PTPRD: variants seen among roughly 807,000 people sequenced by gnomAD.
PTPRD encodes receptor-type tyrosine-protein phosphatase delta.
In PTPRD, 34 loss-of-function variants were observed where a neutral mutation model predicts 214.5. The observed-to-expected ratio is 0.16, with a 90% confidence interval of 0.12 to 0.21. The LOEUF (loss-of-function observed/expected upper bound fraction) is 0.21, where lower values mean the gene tolerates loss of function less well. Ranked by LOEUF, PTPRD falls within the 10% of genes least tolerant of loss-of-function variation. The pLI is 1.00. For missense variants in PTPRD, 2,545 were observed against 2,398.7 expected (o/e 1.06, Z -1.27); for synonymous variants, 1,128 against 845.7 (o/e 1.33, Z -5.79).
At chr9:9,539,653 A>G (rs1476540104) in intron 8 of PTPRD, among the ~76,000 whole-genome samples, 1 of 151,866 alleles carries the variant, frequency 6.6e-6, no homozygotes, top group Non-Finnish European at 1.5e-5. Flanking sequence ...GATAAAATAT[A>G]CAAGTAAAAT....
At chr9:8,796,922 A>C (rs935668211) in intron 11 of PTPRD, among the ~76,000 whole-genome samples, 1 of 152,094 alleles carries the variant, frequency 6.6e-6, no homozygotes, top group Non-Finnish European at 1.5e-5. Context: ...AGTATTTTCC[A>C]TGTTAAAATT....
At chr9:8,526,142 G>C (rs1313737012) in intron 17 of PTPRD, among the ~76,000 whole-genome samples, 3 of 151,834 alleles carry the variant, frequency 2.0e-5, no homozygotes, top group African/African-American at 7.3e-5. Context: ...AGATGCTCCA[G>C]GGTGTCTTCT....
intron 34 of PTPRD, among the ~76,000 whole-genome samples, chr9:8,438,421 G>T (rs2095430969): frequency 6.6e-6 from 1 of 152,142 alleles, no homozygotes; most frequent in Non-Finnish European, 1.5e-5. Context: ...CTCTTTGTTG[G>T]TGATATAATA....
At chr9:9,429,894 A>G (rs532506129) in intron 8 of PTPRD, among the ~76,000 whole-genome samples, 164 of 152,304 alleles carry the variant, frequency 1.1e-3, no homozygotes, top group African/African-American at 3.8e-3. Flanking sequence ...TATTGATGGA[A>G]TGTATCTCAA....
chr9:10,167,383 G>T (rs1393904170), intron 3 of PTPRD, among the ~76,000 whole-genome samples: 1 of 151,998 alleles, frequency 6.6e-6, no homozygotes, highest in African/African-American at 2.4e-5. Flanking sequence ...ATGGTAAAGT[G>T]CACATTCCCT....
At chr9:10,322,900 G>A (rs1176193714) in intron 3 of PTPRD, among the ~76,000 whole-genome samples, 6 of 151,956 alleles carry the variant, frequency 3.9e-5, no homozygotes, top group African/African-American at 1.4e-4. Context: ...TGTTACCTAG[G>A]GAAGTGTTCT....
intron 10 of PTPRD, among the ~76,000 whole-genome samples, chr9:9,175,715 T>A (rs1475139436): frequency 3.9e-5 from 6 of 151,976 alleles, no homozygotes; most frequent in Admixed American, 3.3e-4. Context: ...GGAAGACTCT[T>A]CTTTGTGTGA....
intron 9 of PTPRD, among the ~76,000 whole-genome samples, chr9:9,211,978 T>C (rs910728282): frequency 1.3e-5 from 2 of 152,178 alleles, no homozygotes; most frequent in African/African-American, 4.8e-5. Flanking sequence ...CCAAGTTTAA[T>C]GAACATAAAA....
intron 2 of PTPRD, among the ~76,000 whole-genome samples, chr9:10,543,477 T>TGC (rs1555502533): frequency 7.1e-6 from 1 of 141,284 alleles, no homozygotes; most frequent in Admixed American, 7.4e-5. Context: ...AATATATATA[T>TGC]ATACACACAC....
chr9:8,574,984 C>G (rs1222663970), intron 14 of PTPRD, among the ~76,000 whole-genome samples: 1 of 151,924 alleles, frequency 6.6e-6, no homozygotes, highest in Non-Finnish European at 1.5e-5. Context: ...TTAATTCAAC[C>G]TTGGCAATAA....
At chr9:9,008,905 A>C (rs1225751562) in intron 11 of PTPRD, among the ~76,000 whole-genome samples, 1 of 152,186 alleles carries the variant, frequency 6.6e-6, no homozygotes, top group Admixed American at 6.5e-5. Context: ...ATTTTGCTTA[A>C]GATAAATTTT....
At chr9:8,764,048 G>A (rs953313236) in intron 11 of PTPRD, among the ~76,000 whole-genome samples, 14 of 152,270 alleles carry the variant, frequency 9.2e-5, no homozygotes, top group African/African-American at 3.4e-4. Context: ...TATAAGTGAA[G>A]GGAGTGTTAA....
intron 10 of PTPRD, among the ~76,000 whole-genome samples, chr9:9,109,976 G>A (rs1449039058): frequency 6.6e-6 from 1 of 151,938 alleles, no homozygotes; most frequent in Non-Finnish European, 1.5e-5. Flanking sequence ...AGATCTGGGG[G>A]TACTCAACGA....
intron 3 of PTPRD, among the ~76,000 whole-genome samples, chr9:10,321,814 A>T (rs1198540122): frequency 6.6e-6 from 1 of 152,048 alleles, no homozygotes; most frequent in Non-Finnish European, 1.5e-5. Flanking sequence ...TCAAATGATC[A>T]TTGCAAAAAC....
At chr9:10,030,959 TAACACAGATA>T (rs1436563931) in intron 4 of PTPRD, among the ~76,000 whole-genome samples, 2 of 152,182 alleles carry the variant, frequency 1.3e-5, no homozygotes, top group Non-Finnish European at 2.9e-5. Context: ...AGATAGTAGA[TAACACAGATA>T]CCTTTGTGAA....
intron 5 of PTPRD, among the ~76,000 whole-genome samples, chr9:9,934,712 C>G (rs564342378): frequency 9.7e-4 from 147 of 151,512 alleles, no homozygotes; most frequent in African/African-American, 3.5e-3. Context: ...GGGAATCCTC[C>G]CTAACTCATT....
chr9:10,387,213 A>AATTCTTT lies in PTPRD; in HGVS notation c.-599-46203_-599-46197dup, dbSNP rs372960006. Among the ~76,000 whole-genome samples the AATTCTTT allele has an allele frequency of 5.1e-3, 778 of 152,016 alleles. 5 individuals are homozygous for AATTCTTT. Among genetic ancestry groups the AATTCTTT allele is most frequent in the African/African-American group, 0.017 (720 of 41,538 alleles). On this transcript the variant is annotated intron_variant, in intron 2 of 45. Transcript: ENST00000381196. ...TGTTTTAAGGCACTAACTTCGCAGT[A>AATTCTTT]ATTCTTTATAGCAGCAATAGGAAAC... is the stretch of plus-strand genomic sequence containing the variant.
intron 9 of PTPRD, among the ~76,000 whole-genome samples, chr9:9,371,549 T>C (rs1163824124): frequency 3.3e-5 from 5 of 152,154 alleles, no homozygotes; most frequent in Admixed American, 2.0e-4. Context: ...TTTGTTGATC[T>C]TTTCAAAAAA....
intron 10 of PTPRD, among the ~76,000 whole-genome samples, chr9:9,169,220 T>C (rs1354970099): frequency 6.6e-6 from 1 of 152,058 alleles, no homozygotes; most frequent in Non-Finnish European, 1.5e-5. Context: ...AAGTTTTATT[T>C]CACTTTATAT....
Sources: gnomAD v4.1 joint callset for allele counts (sites outside exome capture counted in the v4.1 genomes callset) on GRCh38, gnomAD v4.1.1 for gene constraint, MANE v1.5 for transcripts, NCBI Gene and HGNC (gene_info 2026-07-23, HGNC 2026-07-21) for gene names.